BCLAF3: variants seen among roughly 807,000 people sequenced by gnomAD.
BCLAF3 encodes the protein BCLAF1 and THRAP3 family member 3.
Under a neutral mutation model 51.2 loss-of-function variants are expected in BCLAF3, and 24 were observed. That is an observed-to-expected ratio of 0.47 (90% CI 0.34 to 0.66). The LOEUF (loss-of-function observed/expected upper bound fraction) is 0.66. BCLAF3 is among the 30% of genes least tolerant of loss of function. The pLI, the probability that BCLAF3 is intolerant of heterozygous loss-of-function variation, is 0.01. For missense variants in BCLAF3, 465 were observed against 525.1 expected, an observed-to-expected ratio of 0.89 and a Z score of 1.12; for synonymous variants, 152 against 176.6, an observed-to-expected ratio of 0.86 and a Z score of 1.10.
Position 19,946,645 on chromosome X carries a change from C to T in BCLAF3, c.1745+4108G>A, listed in dbSNP as rs1185629391. Among the ~76,000 whole-genome samples the T allele has an allele frequency of 2.7e-5, 3 of 112,053 alleles. No homozygotes were observed. In the East Asian group the frequency reaches 8.4e-4, roughly 31 times the overall value. On this transcript the variant is annotated intron_variant, in intron 8 of 11. Transcript: ENST00000379682. Reference sequence around the variant, plus strand: ...CTTCATCCAGAATAAAATACAAAGTCTTCACGTCCTTCAGTTCTTCAAAGC... The same window carrying T: ...CTTCATCCAGAATAAAATACAAAGTTTTCACGTCCTTCAGTTCTTCAAAGC...
At chrX:19,973,993 C>T (rs943205298) in intron 1 of BCLAF3, among the ~76,000 whole-genome samples, 1 of 112,005 alleles carries the variant, frequency 8.9e-6, no homozygotes, top group East Asian at 2.8e-4. Context: ...CTCTCAGTTA[C>T]TGCTAGGTGA....
chrX:19,967,676 G>A (rs1421706309), intron 2 of BCLAF3, among the ~76,000 whole-genome samples: 2 of 111,845 alleles, frequency 1.8e-5, no homozygotes, highest in South Asian at 3.7e-4. Flanking sequence ...TCCTCCCTGA[G>A]GGTTTAATGT....
intron 11 of BCLAF3, among the ~76,000 whole-genome samples, chrX:19,925,724 G>T (rs966380881): frequency 1.8e-5 from 2 of 111,870 alleles, no homozygotes; most frequent in Non-Finnish European, 3.8e-5. Context: ...AGCAACACTG[G>T]AAGAAACCAG....
chrX:19,978,097 T>C (rs943738588), intron 1 of BCLAF3, among the ~76,000 whole-genome samples: 2 of 112,155 alleles, frequency 1.8e-5, no homozygotes, highest in Non-Finnish European at 3.8e-5. Context: ...GATGGAGATA[T>C]ACAAGGAGAT....
At chrX:19,986,975 A>T (rs867151928) in intron 1 of BCLAF3, among the ~76,000 whole-genome samples, 1 of 109,369 alleles carries the variant, frequency 9.1e-6, no homozygotes, top group African/African-American at 3.3e-5. Context: ...CTAATTTTTT[A>T]AAAATTTTTT....
At chrX:19,964,465 G>C (rs968600077) in intron 4 of BCLAF3, among the ~76,000 whole-genome samples, 1 of 110,844 alleles carries the variant, frequency 9.0e-6, no homozygotes, top group Non-Finnish European at 1.9e-5. Flanking sequence ...GAATCTAGTT[G>C]GTTGAGCCCC....
intron 7 of BCLAF3, among the ~76,000 whole-genome samples, chrX:19,952,075 T>C (rs1191706262): frequency 8.9e-6 from 1 of 112,195 alleles, no homozygotes; most frequent in East Asian, 2.8e-4. Flanking sequence ...ATGCAAGCTA[T>C]AAGACTGCCA....
chrX:19,969,960 A>C (rs987523121), intron 2 of BCLAF3, among the ~76,000 whole-genome samples: 1 of 112,411 alleles, frequency 8.9e-6, no homozygotes, highest in African/African-American at 3.2e-5. Flanking sequence ...CTGCTCACTA[A>C]TTCAAAAAAT....
rs1163336565 is a variant in BCLAF3 at position 19,990,940 on chromosome X, GCC to G, written c.-69_-68del. On this transcript the variant is annotated 5_prime_UTR_variant, in exon 1 of 12. Transcript: ENST00000379682. ...GGAAGCCCCCGCCGCCGCCGCCGCC[GCC>G]GCCGCCGCCGCCGCCGCCGCCGCCG... is the stretch of plus-strand genomic sequence containing the variant. Among the ~76,000 whole-genome samples, 11 of 92,011 alleles carry G rather than the reference GCC, an allele frequency of 1.2e-4. No individual in the cohort carries two copies. Among genetic ancestry groups the G allele is most frequent in the African/African-American group, 4.4e-4 (11 of 24,721 alleles). 79.9% of individuals were successfully genotyped at this position (92,011 alleles called of 115,157 possible).
rs2070814383 is a variant in BCLAF3, at chrX:19,937,491, T to C, written c.1787A>G (p.His596Arg). ...TGTGGGTTTTTGGAATCCATCAGTA[T>C]GAACATTCTTTACCTTTGAAAAACT... ...NSSFSKVKNV[H>R]TDGFQKPTHF... The change falls in exon 9 of 12, where the codon CAT becomes CGT. Residue 596 changes from histidine to arginine, a missense_variant. Physicochemically the swap from His to Arg is conservative, Grantham distance 29. Coordinates refer to ENST00000379682, the MANE Select transcript of BCLAF3 (RefSeq NM_001367774.2). 4.3e-6 allele frequency: 5 copies of C among 1,167,885 alleles called. No homozygotes were observed. The African/African-American group carries it at 7.1e-5, about 17-fold the overall frequency.
Position 19,965,500 on chromosome X carries a change from G to T in BCLAF3, c.818C>A (p.Ser273Ter). The T allele has an allele frequency of 8.3e-7, 1 of 1,210,217 alleles. No homozygotes were observed. The highest frequency in any genetic ancestry group is 1.1e-6 in the Non-Finnish European group (1 of 894,915). ...ATAGTCATAGGATACTTTGGTTGCT[G>T]AACTGGTCTCTGGGTGTTCCCTCTC... The part of the protein sequence containing the change: ...HAEREHPETS[S>*]ATKVSYDYRH... Residue 273 changes from serine (S) to a stop codon, truncating the protein, a stop_gained, in exon 4 of 12, where the codon TCA becomes TAA. Coordinates refer to ENST00000379682, the MANE Select transcript of BCLAF3 (RefSeq NM_001367774.2). LOFTEE classifies it high-confidence loss of function.
At chrX:19,941,026 G>C (rs5955867) in intron 8 of BCLAF3, among the ~76,000 whole-genome samples, 32,626 of 108,966 alleles carry the variant, frequency 0.3, 6,016 homozygotes, top group African/African-American at 0.68. Flanking sequence ...GGCCAGTGAT[G>C]ATGAGCATTT....
chrX:19,952,354 C>G (rs891879359), intron 7 of BCLAF3, among the ~76,000 whole-genome samples: 2 of 108,195 alleles, frequency 1.8e-5, no homozygotes, highest in African/African-American at 6.8e-5. Flanking sequence ...AATAAATTAG[C>G]AGTTCTTTTA....
rs191824480 is a variant in BCLAF3 at position 19,989,376 on chromosome X, G to A, written c.-35+1532C>T. Among the ~76,000 whole-genome samples, 48 of 111,146 alleles carry A rather than the reference G, an allele frequency of 4.3e-4. 1 individual carries two copies. The highest frequency in any genetic ancestry group is 4.0e-3 in the Admixed American group (42 of 10,417). On this transcript the variant is annotated intron_variant, in intron 1 of 11. Coordinates refer to ENST00000379682, the MANE Select transcript of BCLAF3 (RefSeq NM_001367774.2). Reference sequence around the variant, plus strand: ...CCGGGCATGGTGGCACACGCCTGTAGTCCCAGCTACTCGGGAGGCTGACAC... The same window carrying A: ...CCGGGCATGGTGGCACACGCCTGTAATCCCAGCTACTCGGGAGGCTGACAC...
chrX:19,956,890 TG>T (rs1247422028), intron 4 of BCLAF3, among the ~76,000 whole-genome samples: 1 of 111,772 alleles, frequency 8.9e-6, no homozygotes, highest in East Asian at 2.8e-4. Flanking sequence ...CAGATGTGTC[TG>T]GGGGTATGAG....
At chrX:19,958,579 T>A (rs182016714) in intron 4 of BCLAF3, among the ~76,000 whole-genome samples, 5 of 112,189 alleles carry the variant, frequency 4.5e-5, no homozygotes, top group African/African-American at 1.3e-4. Flanking sequence ...TGTTTAGATA[T>A]GTTTAGATAC....
At chrX:19,958,684 A>G (rs200548204) in intron 4 of BCLAF3, among the ~76,000 whole-genome samples, 1 of 112,474 alleles carries the variant, frequency 8.9e-6, no homozygotes, top group African/African-American at 3.2e-5. Flanking sequence ...GCTCTACCAT[A>G]TAGCCTAGGT....
intron 7 of BCLAF3, among the ~76,000 whole-genome samples, 184 bp from the exon 8 acceptor site, chrX:19,951,052 A>C (rs1054689647): frequency 1.8e-5 from 2 of 111,985 alleles, no homozygotes; most frequent in Non-Finnish European, 3.8e-5. Flanking sequence ...AAAAGTTCCT[A>C]ATATTGAACC....
chrX:19,951,817 A>G (rs2071493345), intron 7 of BCLAF3, among the ~76,000 whole-genome samples: 2 of 109,739 alleles, frequency 1.8e-5, no homozygotes, highest in Admixed American at 1.9e-4. Context: ...AGTCCTAGCT[A>G]CTCAGGAGGC....
Sources: allele counts gnomAD v4.1 joint callset (sites outside exome capture counted in the v4.1 genomes callset), GRCh38; gene constraint gnomAD v4.1.1; transcripts MANE v1.5; gene names NCBI Gene and HGNC (gene_info 2026-07-23, HGNC 2026-07-21).